SDCCAG8: variants seen among roughly 807,000 people sequenced by gnomAD.
SDCCAG8 encodes the protein SHH signaling and ciliogenesis regulator SDCCAG8, also known as serologically defined colon cancer antigen 8.
SDCCAG8 carries 74 observed loss-of-function variants against 101.8 expected under a neutral mutation model. The ratio of observed to expected loss-of-function variants is 0.73; its 90% CI spans 0.60 to 0.88. The LOEUF is 0.88. SDCCAG8 is among the 40% of genes least tolerant of loss of function. SDCCAG8 has a pLI of 0.00. For synonymous variants in SDCCAG8, 281 were observed against 292.9 expected, an observed-to-expected ratio of 0.96 and a Z score of 0.41; for missense variants, 787 against 822.6, an observed-to-expected ratio of 0.96 and a Z score of 0.53.
Position 243,286,317 on chromosome 1 carries a change from G to T in SDCCAG8, c.466G>T (p.Glu156Ter). 6.2e-7 allele frequency: 1 copy of T among 1,614,096 alleles called. No homozygotes were observed. The highest frequency in any genetic ancestry group is 1.1e-5 in the South Asian group (1 of 91,080). The change falls in exon 5 of 18, where the codon GAA becomes TAA. Residue 156 changes from glutamate to a stop codon, truncating the protein, a stop_gained. Coordinates refer to ENST00000366541, the MANE Select transcript of SDCCAG8 (RefSeq NM_006642.5). LOFTEE classifies it high-confidence loss of function. ...MKNKIQVVVL[E>*]NEGLQQQLKS... Reference sequence around the variant, plus strand: ...AAATAAAATACAAGTAGTTGTGCTTGAAAACGAAGGGCTCCAGCAACAGCT... The same window carrying T: ...AAATAAAATACAAGTAGTTGTGCTTTAAAACGAAGGGCTCCAGCAACAGCT...
chr1:243,263,958 T>A (rs954657969), intron 1 of SDCCAG8, among the ~76,000 whole-genome samples: 8 of 152,038 alleles, frequency 5.3e-5, no homozygotes, highest in Non-Finnish European at 1.2e-4. Context: ...GATAGACATG[T>A]ATTTCTTATC....
chr1:243,440,168 A>G (rs999445938), intron 16 of SDCCAG8, among the ~76,000 whole-genome samples: 4 of 152,118 alleles, frequency 2.6e-5, no homozygotes, highest in Non-Finnish European at 1.5e-5. Context: ...AGAAAAACGG[A>G]AAAGGTCCCA....
chr1:243,286,444 C>A (rs775828115), intron 5 of SDCCAG8, 47 bp downstream of exon 5: 3 of 1,598,278 alleles, frequency 1.9e-6, no homozygotes, highest in East Asian at 2.3e-5. Flanking sequence ...GTGAATATTC[C>A]CTTCTGCCCT....
chr1:243,447,210 C>A (rs553897655), intron 16 of SDCCAG8, among the ~76,000 whole-genome samples: 2 of 122,408 alleles, frequency 1.6e-5, no homozygotes, highest in Non-Finnish European at 3.2e-5. Flanking sequence ...GATCGCGCCA[C>A]GGCACTCCAG....
intron 10 of SDCCAG8, chr1:243,339,009 AGG>A (rs2075216029): frequency 6.5e-6 from 1 of 154,612 alleles, no homozygotes; most frequent in African/African-American, 2.5e-5. Context: ...GGGCGGCAGG[AGG>A]GAGCAGACAG....
At chr1:243,355,313 C>A (rs2076320426) in intron 12 of SDCCAG8, among the ~76,000 whole-genome samples, 1 of 71,916 alleles carries the variant, frequency 1.4e-5, no homozygotes, top group African/African-American at 4.2e-5. Flanking sequence ...GTCCTGATAC[C>A]TTCTCTCTCT....
In SDCCAG8 at chr1:243,270,277, C is replaced by T. The variant is rs200013862; in HGVS notation, c.220+20C>T. On this transcript the variant is annotated intron_variant, in intron 2 of 17. Coordinates refer to ENST00000366541, the MANE Select transcript of SDCCAG8 (RefSeq NM_006642.5). ...ATGCTGGTGAGTGTGAATGTCAATC[C>T]TAGTCTGAATGATGCATAGTGAATT... The T allele has an allele frequency of 1.1e-4, 177 of 1,611,942 alleles. No individual in the cohort carries two copies. Among genetic ancestry groups the T allele is most frequent in the Non-Finnish European group, 1.5e-4 (173 of 1,178,286 alleles).
chr1:243,280,313 A>T (rs1224211744), intron 4 of SDCCAG8, among the ~76,000 whole-genome samples: 21 of 152,058 alleles, frequency 1.4e-4, no homozygotes, highest in Admixed American at 1.4e-3. Flanking sequence ...GATAGAATCT[A>T]ATTGATATTT....
intron 13 of SDCCAG8, among the ~76,000 whole-genome samples, chr1:243,413,428 A>G (rs1573905604): frequency 6.6e-6 from 1 of 152,022 alleles, no homozygotes; most frequent in Non-Finnish European, 1.5e-5. Flanking sequence ...CTGATCTCTA[A>G]CTCCTGGCCT....
At position 243,360,064 on chromosome 1, in the gene SDCCAG8, A is replaced by G. The variant is rs1034295207; in HGVS notation, c.1473+15733A>G. ...TTTTTCAGATGCTTTTCTTCTGTCC[A>G]TATATCTTCTTCACATATATCCACT... On this transcript the variant is annotated intron_variant, in intron 12 of 17. Transcript: ENST00000366541. 3.3e-5 allele frequency among the ~76,000 whole-genome samples: 5 copies of G among 151,448 alleles called. No individual in the cohort carries two copies. In the South Asian group the frequency reaches 1.0e-3, roughly 32 times the overall value.
intron 13 of SDCCAG8, among the ~76,000 whole-genome samples, chr1:243,412,086 T>C (rs1318598050): frequency 2.0e-5 from 3 of 152,194 alleles, no homozygotes; most frequent in Non-Finnish European, 4.4e-5. Context: ...TTTGGCCATT[T>C]TGAACTCCCT....
chr1:243,267,823 G>A, intron 1 of SDCCAG8: 1 of 860,162 alleles, frequency 1.2e-6, no homozygotes, highest in South Asian at 1.3e-5. Context: ...TTATACAAGG[G>A]ATACACTTGA....
intron 12 of SDCCAG8, among the ~76,000 whole-genome samples, chr1:243,377,020 T>G (rs2077638098): frequency 6.6e-6 from 1 of 152,188 alleles, no homozygotes; most frequent in Admixed American, 6.5e-5. Flanking sequence ...TGCTAATATA[T>G]CCCTCATCTG....
intron 6 of SDCCAG8, among the ~76,000 whole-genome samples, chr1:243,301,068 T>G (rs988295497): frequency 1.1e-4 from 17 of 152,164 alleles, no homozygotes; most frequent in Admixed American, 4.6e-4. Flanking sequence ...TTATAAAAAG[T>G]TAAAATTTTT....
intron 13 of SDCCAG8, among the ~76,000 whole-genome samples, chr1:243,411,567 T>C (rs2080178881): frequency 1.3e-5 from 2 of 152,192 alleles, no homozygotes; most frequent in African/African-American, 4.8e-5. Flanking sequence ...ACCCAAAACA[T>C]GTCCTTGTGC....
In SDCCAG8 at chr1:243,274,566, C is replaced by T; in HGVS notation, c.330C>T (p.Thr110=). 1 of 1,602,074 alleles carries T rather than the reference C, an allele frequency of 6.2e-7. No individual in the cohort carries two copies. The change falls in exon 4 of 18, where the codon ACC becomes ACT. Residue 110 remains threonine, a synonymous_variant. Coordinates refer to ENST00000366541, the MANE Select transcript of SDCCAG8 (RefSeq NM_006642.5). ...SPLRSLEHEE[T]NMPTMHDLVH... is the part of the protein sequence containing the mutation. ...AGAGGTCATTAGAACATGAGGAAAC[C>T]AATATGCCTACTATGCACGACCTTG... is the stretch of plus-strand genomic sequence containing the variant.
At chr1:243,310,116 C>G (rs2072577231) in intron 8 of SDCCAG8, among the ~76,000 whole-genome samples, 2 of 152,122 alleles carry the variant, frequency 1.3e-5, no homozygotes, top group South Asian at 4.1e-4. Flanking sequence ...CCCGCCTTGG[C>G]CTCCCAAAGT....
chr1:243,481,103 A>C (rs1663665206), intron 16 of SDCCAG8, among the ~76,000 whole-genome samples: 1 of 152,024 alleles, frequency 6.6e-6, no homozygotes, highest in South Asian at 2.1e-4. Context: ...CGAGGCTGAG[A>C]TCAAGTGCTC....
At chr1:243,409,920 G>T (rs1306446619) in intron 13 of SDCCAG8, among the ~76,000 whole-genome samples, 1 of 152,154 alleles carries the variant, frequency 6.6e-6, no homozygotes, top group African/African-American at 2.4e-5. Context: ...ATGAAGAATA[G>T]GATGTTTGCA....
Sources: allele counts gnomAD v4.1 joint callset (sites outside exome capture counted in the v4.1 genomes callset), GRCh38; gene constraint gnomAD v4.1.1; transcripts MANE v1.5; gene names NCBI Gene and HGNC (gene_info 2026-07-23, HGNC 2026-07-21).